Variants in ZNG1B observed in about 807,000 individuals in gnomAD.
The protein encoded by ZNG1B is Zn regulated GTPase metalloprotein activator 1B, also known as zinc-regulated GTPase metalloprotein activator 1B.
the ZNG1B span, among the ~76,000 whole-genome samples, chr2:113,471,789 A>G: frequency 6.6e-6 from 1 of 151,974 alleles, no homozygotes; most frequent in Non-Finnish European, 1.5e-5. Context: ...AATTTCATCC[A>G]TGTCCCTACA....
the ZNG1B span, among the ~76,000 whole-genome samples, chr2:113,489,179 C>T: frequency 1.3e-5 from 2 of 151,670 alleles, no homozygotes; most frequent in Non-Finnish European, 2.9e-5. Flanking sequence ...CCCTGCAAGC[C>T]AGAAGGGATT....
the ZNG1B span, among the ~76,000 whole-genome samples, chr2:113,478,146 TAGA>T: frequency 3.9e-5 from 6 of 152,240 alleles, no homozygotes; most frequent in Admixed American, 3.9e-4. Flanking sequence ...TATATGTCCA[TAGA>T]AGATCATGAA....
At chr2:113,439,851 C>A in the ZNG1B span, among the ~76,000 whole-genome samples, 4 of 151,116 alleles carry the variant, frequency 2.6e-5, no homozygotes, top group African/African-American at 9.7e-5. Context: ...CACTGAATTC[C>A]CCTCCATTCC....
At chr2:113,476,839 G>A in the ZNG1B span, among the ~76,000 whole-genome samples, 1 of 152,200 alleles carries the variant, frequency 6.6e-6, no homozygotes, top group Non-Finnish European at 1.5e-5. Flanking sequence ...CGGGGGTCAG[G>A]GGTCAGGGTC....
chr2:113,479,590 C>A, the ZNG1B span, among the ~76,000 whole-genome samples: 1 of 152,118 alleles, frequency 6.6e-6, no homozygotes, highest in Non-Finnish European at 1.5e-5. Context: ...CCTAACTTTT[C>A]TCTCGATGAT....
At chr2:113,437,745 G>C in the ZNG1B span, 4 of 1,524,078 alleles carry the variant, frequency 2.6e-6, no homozygotes, top group African/African-American at 1.4e-5. Context: ...GGATCAGCGA[G>C]CGTCGCGATG....
the ZNG1B span, chr2:113,468,478 G>C: frequency 6.9e-6 from 1 of 144,262 alleles, no homozygotes. Flanking sequence ...TCTCTTTTAA[G>C]AAAAGCATTA....
At chr2:113,487,577 G>C in the ZNG1B span, among the ~76,000 whole-genome samples, 2 of 151,394 alleles carry the variant, frequency 1.3e-5, no homozygotes, top group African/African-American at 4.9e-5. Context: ...TTTACTTTCT[G>C]ATTTGATGAG....
the ZNG1B span, among the ~76,000 whole-genome samples, chr2:113,488,604 A>AT: frequency 1.2e-5 from 1 of 80,742 alleles, no homozygotes; most frequent in African/African-American, 5.0e-5. Flanking sequence ...GTAAAGATAT[A>AT]AAAAAAAAAA....
the ZNG1B span, among the ~76,000 whole-genome samples, chr2:113,461,231 A>T: frequency 2.4e-3 from 320 of 136,014 alleles, 1 homozygote; most frequent in Middle Eastern, 0.012. Flanking sequence ...ATTTTTTTTT[A>T]AATTTTTTTA....
chr2:113,460,487 AATT>A, the ZNG1B span, among the ~76,000 whole-genome samples: 2 of 152,100 alleles, frequency 1.3e-5, no homozygotes, highest in African/African-American at 4.8e-5. Flanking sequence ...TGTAGAAAAA[AATT>A]GCAAATGGGG....
At chr2:113,474,718 C>T in the ZNG1B span, among the ~76,000 whole-genome samples, 1 of 151,408 alleles carries the variant, frequency 6.6e-6, no homozygotes, top group Non-Finnish European at 1.5e-5. Context: ...CAAAGAACAT[C>T]TTTATTTCTG....
At chr2:113,459,512 G>A in the ZNG1B span, among the ~76,000 whole-genome samples, 1 of 150,624 alleles carries the variant, frequency 6.6e-6, no homozygotes, top group African/African-American at 2.5e-5. Context: ...TTAAAATTAT[G>A]TCATTTTACT....
At chr2:113,438,459 G>T in the ZNG1B span, among the ~76,000 whole-genome samples, 1 of 152,128 alleles carries the variant, frequency 6.6e-6, no homozygotes, top group Non-Finnish European at 1.5e-5. Flanking sequence ...TGGGGCTTTC[G>T]TCAGTAGATT....
At chr2:113,449,230 G>A in the ZNG1B span, among the ~76,000 whole-genome samples, 1 of 152,172 alleles carries the variant, frequency 6.6e-6, no homozygotes, top group East Asian at 1.9e-4. Context: ...CTTCATATCA[G>A]CAATAAGGCT....
the ZNG1B span, among the ~76,000 whole-genome samples, chr2:113,473,953 T>G: frequency 6.8e-6 from 1 of 148,126 alleles, no homozygotes; most frequent in Non-Finnish European, 1.5e-5. Context: ...ATTCTCTTTT[T>G]TGGTTGTGTC....
the ZNG1B span, chr2:113,455,689 G>A: frequency 3.5e-6 from 4 of 1,156,550 alleles, no homozygotes; most frequent in South Asian, 5.2e-5. Context: ...ATTAGTGTCT[G>A]TTTTGTATCC....
the ZNG1B span, chr2:113,437,886 A>T: frequency 1.6e-5 from 25 of 1,611,866 alleles, no homozygotes; most frequent in South Asian, 2.7e-4. Flanking sequence ...CGGCTGTTGG[A>T]TCTGCGGATG....
chr2:113,477,379 G>A, the ZNG1B span, among the ~76,000 whole-genome samples: 8,256 of 151,916 alleles, frequency 0.054, 603 homozygotes, highest in African/African-American at 0.18. Flanking sequence ...GCTTCGGCTC[G>A]CGGATGGTGC....
Sources: gnomAD v4.1 joint callset for allele counts (sites outside exome capture counted in the v4.1 genomes callset) on GRCh38, gnomAD v4.1.1 for gene constraint, MANE v1.5 for transcripts, NCBI Gene and HGNC (gene_info 2026-07-23, HGNC 2026-07-21) for gene names.